NWD2: variants seen among roughly 807,000 people sequenced by gnomAD.
NWD2 encodes NACHT and WD repeat domain containing 2.
A neutral mutation model predicts 132.7 loss-of-function variants in NWD2; 37 were observed. That is an observed-to-expected ratio of 0.28 (90% CI 0.21 to 0.37). The LOEUF (loss-of-function observed/expected upper bound fraction) is 0.37. Among genes scored for constraint, NWD2 ranks in the 10% least tolerant of loss-of-function variants. The pLI, the probability that NWD2 is intolerant of heterozygous loss-of-function variation, is 1.00. For synonymous variants in NWD2, 705 were observed against 803.0 expected, an observed-to-expected ratio of 0.88 and a Z score of 2.06; for missense variants, 1,592 against 2,122.4, an observed-to-expected ratio of 0.75 and a Z score of 4.91.
intron 3 of NWD2, among the ~76,000 whole-genome samples, chr4:37,429,288 A>G (rs146423091): frequency 1.3e-5 from 2 of 151,878 alleles, no homozygotes; most frequent in East Asian, 1.9e-4. Context: ...TCTTTTCTCT[A>G]TATATATAAA....
chr4:37,386,764 C>A (rs1720572194), intron 3 of NWD2, among the ~76,000 whole-genome samples: 1 of 151,994 alleles, frequency 6.6e-6, no homozygotes, highest in African/African-American at 2.4e-5. Flanking sequence ...GGGAGGTGTT[C>A]ATGGGGTGGG....
Position 37,430,669 on chromosome 4 carries a change from T to G in NWD2, c.455T>G (p.Leu152Arg). Reference protein sequence around the residue: ...MILDAAIEAKLETKLLEEWYC... With the variant: ...MILDAAIEAKRETKLLEEWYC... ...TTGGATGCCGCCATAGAGGCAAAGC[T>G]GGAGACCAAGTTGCTGGAGGAGTGG... Residue 152 changes from leucine to arginine, a missense_variant, in exon 4 of 7, where the codon CTG becomes CGG. Physicochemically the swap from Leu to Arg is moderately radical, Grantham distance 102. Coordinates refer to ENST00000309447, the MANE Select transcript of NWD2 (RefSeq NM_001144990.2). The G allele has an allele frequency of 6.4e-7, 1 of 1,551,574 alleles. No individual in the cohort carries two copies. Among genetic ancestry groups the G allele is most frequent in the East Asian group, 2.4e-5 (1 of 40,920 alleles).
At chr4:37,311,068 A>G (rs984769643) in intron 1 of NWD2, among the ~76,000 whole-genome samples, 4 of 152,100 alleles carry the variant, frequency 2.6e-5, no homozygotes, top group African/African-American at 9.6e-5. Flanking sequence ...AGTCTTTGCT[A>G]TTGTGAATAG....
At position 37,384,712 on chromosome 4, in the gene NWD2, C is replaced by T. The variant is rs1720523582; in HGVS notation, c.357+28230C>T. 6.6e-5 allele frequency among the ~76,000 whole-genome samples: 10 copies of T among 152,222 alleles called. No individual in the cohort carries two copies. The South Asian group carries it at 2.1e-3, about 32-fold the overall frequency. On this transcript the variant is annotated intron_variant, in intron 3 of 6. Transcript: ENST00000309447. ...ACAGCAGCACAAAGTCATTCAGCCT[C>T]CAGATACATCTAAAAGACTTTTACC...
intron 3 of NWD2, among the ~76,000 whole-genome samples, chr4:37,382,112 T>C (rs761273868): frequency 1.3e-5 from 2 of 152,154 alleles, no homozygotes; most frequent in Non-Finnish European, 2.9e-5. Flanking sequence ...ACCCATGAAA[T>C]GTAGAAAACA....
intron 1 of NWD2, among the ~76,000 whole-genome samples, chr4:37,259,795 G>A (rs879822733): frequency 1.1e-4 from 17 of 152,256 alleles, no homozygotes; most frequent in Admixed American, 4.6e-4. Context: ...AAGTTCTACC[G>A]TAGTGCCAGG....
intron 6 of NWD2, among the ~76,000 whole-genome samples, chr4:37,442,043 A>T (rs62301560): frequency 6.6e-6 from 1 of 152,218 alleles, no homozygotes; most frequent in East Asian, 1.9e-4. Flanking sequence ...TGACAAGATT[A>T]TCTTCCTTGA....
At chr4:37,350,276 G>T (rs1375905174) in intron 2 of NWD2, among the ~76,000 whole-genome samples, 1 of 152,200 alleles carries the variant, frequency 6.6e-6, no homozygotes, top group East Asian at 1.9e-4. Context: ...ACTTTGGACA[G>T]TATGGCTATT....
rs575690214 is a variant in NWD2 at position 37,347,636 on chromosome 4, C to T, written c.241-8730C>T. Among the ~76,000 whole-genome samples the T allele has an allele frequency of 1.5e-4, 23 of 152,184 alleles. 1 individual carries two copies. In the South Asian group the frequency reaches 3.9e-3, roughly 26 times the overall value. On this transcript the variant is annotated intron_variant, in intron 2 of 6. Coordinates refer to ENST00000309447, the MANE Select transcript of NWD2 (RefSeq NM_001144990.2). The stretch of plus-strand genomic sequence containing the variant: ...ATATTGCTCTATTTCCTTTTCCTCC[C>T]TTTTGTGCTATTATTGTTATCCCTG...
chr4:37,438,614 G>C (rs1712390499), intron 5 of NWD2, among the ~76,000 whole-genome samples, 187 bp from the exon 6 acceptor site: 1 of 152,174 alleles, frequency 6.6e-6, no homozygotes, highest in African/African-American at 2.4e-5. Context: ...TGTAAAACCT[G>C]TTCTCCCGGG....
intron 1 of NWD2, among the ~76,000 whole-genome samples, chr4:37,297,977 A>G (rs776429939): frequency 2.0e-5 from 3 of 152,146 alleles, no homozygotes. Flanking sequence ...CCTAGGTTGA[A>G]CAAAGATGTT....
chr4:37,390,694 C>T lies in NWD2; in HGVS notation c.357+34212C>T, dbSNP rs139284871. On this transcript the variant is annotated intron_variant, in intron 3 of 6. Coordinates refer to ENST00000309447, the MANE Select transcript of NWD2 (RefSeq NM_001144990.2). ...AGCCAGGAAAGACCTTTGAGATGAT[C>T]GACTCTCTTAGTTTTGTGCATGAGA... Among the ~76,000 whole-genome samples, 8 of 152,070 alleles carry T rather than the reference C, an allele frequency of 5.3e-5. No homozygotes were observed. In the South Asian group the frequency reaches 1.5e-3, roughly 28 times the overall value.
At chr4:37,370,560 A>C (rs1720196568) in intron 3 of NWD2, among the ~76,000 whole-genome samples, 1 of 152,164 alleles carries the variant, frequency 6.6e-6, no homozygotes, top group Non-Finnish European at 1.5e-5. Context: ...TCCTGTGAAA[A>C]TGGATGTTAA....
intron 3 of NWD2, among the ~76,000 whole-genome samples, chr4:37,392,399 G>A (rs898241862): frequency 6.6e-6 from 1 of 152,032 alleles, no homozygotes; most frequent in Admixed American, 6.5e-5. Context: ...CAGCTATACT[G>A]ACACCTTAGG....
intron 3 of NWD2, among the ~76,000 whole-genome samples, chr4:37,396,814 A>C (rs991877793): frequency 3.9e-5 from 6 of 152,038 alleles, no homozygotes; most frequent in Non-Finnish European, 8.8e-5. Flanking sequence ...GGGTGGATCA[A>C]CTGAGGTCAG....
chr4:37,310,954 G>A lies in NWD2; in HGVS notation c.152-14982G>A, dbSNP rs4832893. ...CAATTTCATCCATGTCCCTACAAAG[G>A]ACATGAACTCATCATTTTTTATGGC... On this transcript the variant is annotated intron_variant, in intron 1 of 6. Transcript: ENST00000309447. Among the ~76,000 whole-genome samples the A allele has an allele frequency of 8.2e-3, 1,249 of 151,768 alleles. 48 individuals carry two copies. The East Asian group carries it at 0.12, about 15-fold the overall frequency.
At chr4:37,316,437 G>A (rs900215574) in intron 1 of NWD2, among the ~76,000 whole-genome samples, 3 of 151,796 alleles carry the variant, frequency 2.0e-5, no homozygotes, top group Non-Finnish European at 4.4e-5. Context: ...TTAACAGTTT[G>A]ACTATATGTG....
intron 2 of NWD2, among the ~76,000 whole-genome samples, chr4:37,354,018 G>C (rs1228644075): frequency 6.6e-6 from 1 of 152,038 alleles, no homozygotes; most frequent in African/African-American, 2.4e-5. Context: ...GTGACCTTAG[G>C]GTGGGGTGTG....
intron 1 of NWD2, among the ~76,000 whole-genome samples, chr4:37,290,480 G>C (rs974831983): frequency 2.6e-5 from 4 of 152,110 alleles, no homozygotes; most frequent in African/African-American, 9.7e-5. Context: ...AGAGTGTTAT[G>C]GGAGTGTATT....
Sources: allele counts gnomAD v4.1 joint callset (sites outside exome capture counted in the v4.1 genomes callset), GRCh38; gene constraint gnomAD v4.1.1; transcripts MANE v1.5; gene names NCBI Gene and HGNC (gene_info 2026-07-23, HGNC 2026-07-21).